Variants in DPP9 observed in about 807,000 individuals in gnomAD.
DPP9 encodes dipeptidyl peptidase 9, also known as dipeptidyl peptidase IV-related protein-2.
Under a neutral mutation model 110.7 loss-of-function variants are expected in DPP9, and 50 were observed. The ratio of observed to expected loss-of-function variants is 0.45; its 90% CI spans 0.36 to 0.57. The LOEUF is 0.57. Ranked by LOEUF, DPP9 falls within the 20% of genes least tolerant of loss-of-function variation. The pLI is 0.00. For missense variants in DPP9, 1,022 were observed against 1,217.9 expected (o/e 0.84, Z 2.39); for synonymous variants, 561 against 514.4 (o/e 1.09, Z -1.23).
At chr19:4,697,494 G>T in intron 11 of DPP9, 57 bp downstream of exon 11, 2 of 1,459,870 alleles carry the variant, frequency 1.4e-6, no homozygotes, top group Non-Finnish European at 1.9e-6. Context: ...TTCGGTGGCT[G>T]CCCAGGGCCC....
At position 4,700,318 on chromosome 19, in the gene DPP9, C is replaced by G. The variant is rs777859459; in HGVS notation, c.1013-41G>C. On this transcript the variant is annotated intron_variant, in intron 9 of 21. Coordinates refer to ENST00000262960, the MANE Select transcript of DPP9 (RefSeq NM_139159.5). The surrounding 1 kb of genome is among the most constrained non-coding windows in gnomAD (Gnocchi z 4.3). ...TGAGGTGAACACCAGGCAGGCATCA[C>G]CCGTGTGTGCCGAGAGCCGGCACGG... 1.3e-6 allele frequency: 2 copies of G among 1,552,776 alleles called. No individual in the cohort carries two copies. The highest frequency in any genetic ancestry group is 1.8e-6 in the Non-Finnish European group (2 of 1,139,276).
chr19:4,683,090 TG>T, intron 19 of DPP9: 1 of 1,482,516 alleles, frequency 6.7e-7, no homozygotes. Context: ...CGGGTCCCAC[TG>T]CCCGTCTGCC....
chr19:4,696,699 A>G (rs2091830793), intron 11 of DPP9, among the ~76,000 whole-genome samples: 1 of 151,952 alleles, frequency 6.6e-6, no homozygotes, highest in African/African-American at 2.4e-5. Flanking sequence ...CAGTGAGCCA[A>G]GATCATACCA....
chr19:4,679,804 G>A lies in DPP9; in HGVS notation c.2586+31C>T, dbSNP rs367764432. The A allele has an allele frequency of 2.3e-5, 34 of 1,499,378 alleles. No individual in the cohort carries two copies. In the East Asian group the frequency reaches 2.6e-4, roughly 12 times the overall value. 92.9% of individuals were successfully genotyped at this position (1,499,378 alleles called of 1,614,324 possible). On this transcript the variant is annotated intron_variant, in intron 21 of 21. Coordinates refer to ENST00000262960, the MANE Select transcript of DPP9 (RefSeq NM_139159.5). ...CACTCCCAGGGATCTGTCGGCTCGC[G>A]GAGGGGCCGAAGCCCCCAACAGCCA...
intron 1 of DPP9, 47 bp from the exon 2 acceptor site, chr19:4,722,598 C>T (rs1163131401): frequency 1.4e-6 from 1 of 701,918 alleles, no homozygotes; most frequent in African/African-American, 1.7e-5. Context: ...AATGGAAGCA[C>T]CGGCCAGCCG....
intron 1 of DPP9, 161 bp from the exon 2 acceptor site, chr19:4,722,712 A>G (rs910235372): frequency 1.3e-5 from 8 of 608,818 alleles, no homozygotes; most frequent in Middle Eastern, 7.3e-4. Flanking sequence ...CATGCCCTGG[A>G]CAGAATCTGG....
Position 4,676,675 on chromosome 19 carries a change from C to T in DPP9, c.2587-19G>A, listed in dbSNP as rs2145218033. The T allele has an allele frequency of 6.3e-7, 1 of 1,584,572 alleles. No homozygotes were observed. Among genetic ancestry groups the T allele is most frequent in the East Asian group, 2.3e-5 (1 of 43,400 alleles). On this transcript the variant is annotated intron_variant, in intron 21 of 21. Coordinates refer to ENST00000262960, the MANE Select transcript of DPP9 (RefSeq NM_139159.5). The surrounding 1 kb of genome is among the most constrained non-coding windows in gnomAD (Gnocchi z 4.0). ...GGTAGATCTGCGGGGAGACAGGAGG[C>T]AGGGCTGGGGGGCGTGGCCGGACCA...
At chr19:4,717,660 A>G (rs12610495) in intron 3 of DPP9, 37,299 of 152,216 alleles carry the variant, frequency 0.25, 4,985 homozygotes, top group Non-Finnish European at 0.3. Flanking sequence ...TCGATCCCGG[A>G]GATGAGAAAT....
At chr19:4,683,227 C>A in intron 19 of DPP9, 1 of 1,431,062 alleles carries the variant, frequency 7.0e-7, no homozygotes. Flanking sequence ...GGCTCAGCCT[C>A]CCACAGAGAG....
chr19:4,676,729 C>G lies in DPP9; in HGVS notation c.2587-73G>C, dbSNP rs2088878239. On this transcript the variant is annotated intron_variant, in intron 21 of 21. Transcript: ENST00000262960. This position sits in a 1 kb window ranked among gnomAD's most constrained non-coding sequence, Gnocchi z 4.0. ...CCGTGTCCTAGGCTCCTCCCTTATTCTGGCTCAGGGCATCCGGGAAGGCGC... is the reference window on the plus strand; with the variant it reads ...CCGTGTCCTAGGCTCCTCCCTTATTGTGGCTCAGGGCATCCGGGAAGGCGC... 10 of 1,318,878 alleles carry G rather than the reference C, an allele frequency of 7.6e-6. No individual in the cohort carries two copies. In the Admixed American group the frequency reaches 7.9e-5, roughly 10 times the overall value. The allele number at this position is 1,318,878 out of a possible 1,614,324, so 81.7% of individuals were successfully genotyped here.
At position 4,690,940 on chromosome 19, in the gene DPP9, T is replaced by A; in HGVS notation, c.1534A>T (p.Ile512Phe). ...SPGEDEFKCP[I>F]KEEIALTSGE... The stretch of plus-strand genomic sequence containing the variant: ...CTGGTCAGAGCAATCTCTTCCTTAA[T>A]GGGGCACTTAAATTCATCTGGAAAG... The change falls in exon 14 of 22, where the codon ATT becomes TTT. Residue 512 changes from isoleucine (I) to phenylalanine (F), a missense_variant. Ile to Phe is a conservative substitution (Grantham distance 21). Around this residue, in one of 3 missense-constraint regions of DPP9, gnomAD observed 810 missense variants for 920.6 expected, o/e 0.88. Coordinates refer to ENST00000262960, the MANE Select transcript of DPP9 (RefSeq NM_139159.5). 6.2e-7 allele frequency: 1 copy of A among 1,613,048 alleles called. No individual in the cohort carries two copies. Among genetic ancestry groups the A allele is most frequent in the African/African-American group, 1.3e-5 (1 of 75,032 alleles).
At chr19:4,688,601 A>G (rs1188022128) in intron 16 of DPP9, 156 bp downstream of exon 16, 5 of 998,184 alleles carry the variant, frequency 5.0e-6, no homozygotes, top group African/African-American at 3.4e-5. Context: ...CTTATGTCCT[A>G]TGACGAGTTC....
intron 16 of DPP9, 132 bp downstream of exon 16, chr19:4,688,625 G>A: frequency 8.8e-7 from 1 of 1,140,698 alleles, no homozygotes; most frequent in East Asian, 3.2e-5. Context: ...GATGCTTGGA[G>A]GGGCCTGGGT....
intron 3 of DPP9, among the ~76,000 whole-genome samples, chr19:4,714,923 T>C (rs1303475721): frequency 6.6e-6 from 1 of 151,686 alleles, no homozygotes; most frequent in East Asian, 1.9e-4. Context: ...CAAATTCCTT[T>C]CCACCGCAGG....
At chr19:4,707,614 CTTTTT>C (rs906371157) in intron 4 of DPP9, among the ~76,000 whole-genome samples, 1 of 78,406 alleles carries the variant, frequency 1.3e-5, no homozygotes, top group African/African-American at 6.1e-5. Flanking sequence ...CTCATACTCG[CTTTTT>C]TTTTTTTTTT....
chr19:4,712,667 G>T (rs1439642325), intron 4 of DPP9, among the ~76,000 whole-genome samples: 1 of 152,212 alleles, frequency 6.6e-6, no homozygotes, highest in African/African-American at 2.4e-5. Context: ...AAGATGTCAG[G>T]AAAGTAACAG....
chr19:4,706,151 C>T (rs1020820872), intron 4 of DPP9, among the ~76,000 whole-genome samples, 181 bp from the exon 5 acceptor site: 1 of 152,000 alleles, frequency 6.6e-6, no homozygotes, highest in African/African-American at 2.4e-5. Flanking sequence ...GCAGTAGGGC[C>T]TTCCACCTGA....
intron 21 of DPP9, among the ~76,000 whole-genome samples, chr19:4,677,850 A>G (rs149215538): frequency 3.9e-4 from 60 of 152,274 alleles, no homozygotes; most frequent in Non-Finnish European, 4.4e-4. Context: ...TGGCTCCCCA[A>G]TGAGCTTCCA....
chr19:4,681,379 G>A (rs773300479), intron 20 of DPP9, among the ~76,000 whole-genome samples: 29 of 152,106 alleles, frequency 1.9e-4, no homozygotes, highest in Non-Finnish European at 2.4e-4. Context: ...GCAGTGGTGC[G>A]ATCTCAGCTC....
Sources: gnomAD v4.1 joint callset for allele counts (sites outside exome capture counted in the v4.1 genomes callset) on GRCh38, gnomAD v4.1.1 for gene constraint, gnomAD v4.1.1 regional missense constraint, Gnocchi (gnomAD v3.1) non-coding constraint, MANE v1.5 for transcripts, NCBI Gene and HGNC (gene_info 2026-07-23, HGNC 2026-07-21) for gene names.